LDLRAD4: variants seen among roughly 807,000 people sequenced by gnomAD.
LDLRAD4 encodes the protein low density lipoprotein receptor class A domain containing 4.
In LDLRAD4, 5 loss-of-function variants were observed where a neutral mutation model predicts 17.0. That is an observed-to-expected ratio of 0.29 (90% confidence interval 0.15 to 0.62). The LOEUF is 0.62. Ranked by LOEUF, LDLRAD4 falls within the 20% of genes least tolerant of loss-of-function variation. The pLI is 0.84. For missense variants in LDLRAD4, 340 were observed against 424.7 expected (o/e 0.80, Z 1.75); for synonymous variants, 168 against 171.8 (o/e 0.98, Z 0.17).
rs1355386324 is a variant in LDLRAD4 at position 13,621,847 on chromosome 18, TGGGTTGTGGAGGGTG to T, written c.336+599_336+613del. ...TTGTCGGCGGTAGGGTTGTCGGCGG[TGGGTTGTGGAGGGTG>T]GGGTTGTGGAGGGTGGGGTTGTCGG... On this transcript the variant is annotated intron_variant, in intron 4 of 5. Coordinates refer to ENST00000359446, the Ensembl canonical transcript of LDLRAD4. This position sits in a 1 kb window ranked among gnomAD's most constrained non-coding sequence, Gnocchi z 5.5. Among the ~76,000 whole-genome samples, 9 of 132,160 alleles carry T rather than the reference TGGGTTGTGGAGGGTG, an allele frequency of 6.8e-5. No homozygotes were observed. The highest frequency in any genetic ancestry group is 1.1e-4 in the Non-Finnish European group (7 of 62,004). The allele number at this position is 132,160 out of a possible 152,430, so 86.7% of individuals were successfully genotyped here.
intron 2 of LDLRAD4, among the ~76,000 whole-genome samples, chr18:13,433,753 TC>T (rs1306341450): frequency 6.6e-6 from 1 of 152,134 alleles, no homozygotes; most frequent in African/African-American, 2.4e-5. Context: ...ATATTCCATT[TC>T]CCCCCTAGTT....
Position 13,326,989 on chromosome 18 carries a change from A to G in LDLRAD4, c.-383+48801A>G, listed in dbSNP as rs1356321042. ...GAAAGGCAGACATCTTTTTCTTCTC[A>G]TTGTCACTGTTACCATCATCAATAC... On this transcript the variant is annotated intron_variant, in intron 1 of 5. Coordinates refer to ENST00000359446, the Ensembl canonical transcript of LDLRAD4. Among the ~76,000 whole-genome samples the G allele has an allele frequency of 3.9e-5, 6 of 152,030 alleles. No individual in the cohort carries two copies. In the East Asian group the frequency reaches 1.2e-3, roughly 29 times the overall value.
rs577630558 is a variant in LDLRAD4, at chr18:13,428,570, C to G, written c.41-9674C>G. Among the ~76,000 whole-genome samples the G allele has an allele frequency of 2.0e-5, 3 of 152,208 alleles. No homozygotes were observed. In the South Asian group the frequency reaches 6.2e-4, roughly 32 times the overall value. ...TCTCAGCAGGAACATCCTGACTGCTCTCTTATGAGTAAACCGTGGTGGAAG... is the reference window on the plus strand; with the variant it reads ...TCTCAGCAGGAACATCCTGACTGCTGTCTTATGAGTAAACCGTGGTGGAAG... On this transcript the variant is annotated intron_variant, in intron 2 of 5. Transcript: ENST00000359446.
chr18:13,474,312 A>T (rs1191113520), intron 3 of LDLRAD4, among the ~76,000 whole-genome samples: 1 of 152,168 alleles, frequency 6.6e-6, no homozygotes, highest in Non-Finnish European at 1.5e-5. Context: ...AGGAATCCTC[A>T]ACCAGCCCAG....
chr18:13,247,160 C>T (rs983672373), intron 1 of LDLRAD4, among the ~76,000 whole-genome samples: 5 of 152,144 alleles, frequency 3.3e-5, no homozygotes, highest in Non-Finnish European at 7.3e-5. Context: ...GTTTTTAGGG[C>T]AACGGCAGGA....
chr18:13,453,138 A>G (rs1184878085), intron 3 of LDLRAD4, among the ~76,000 whole-genome samples: 1 of 152,240 alleles, frequency 6.6e-6, no homozygotes, highest in Non-Finnish European at 1.5e-5. Flanking sequence ...TTTTAAAAGA[A>G]GCAGGACCCC....
At chr18:13,242,604 G>A (rs961256470) in intron 1 of LDLRAD4, among the ~76,000 whole-genome samples, 2 of 151,874 alleles carry the variant, frequency 1.3e-5, no homozygotes, top group Admixed American at 6.6e-5. Flanking sequence ...ATGCAAATGT[G>A]GTATTTTTTT....
intron 3 of LDLRAD4, among the ~76,000 whole-genome samples, chr18:13,550,149 A>G (rs2094416560): frequency 6.6e-6 from 1 of 152,320 alleles, no homozygotes; most frequent in Non-Finnish European, 1.5e-5. Flanking sequence ...TTGAAAACAG[A>G]TTACCACAAC....
At chr18:13,545,669 C>T (rs2094351736) in intron 3 of LDLRAD4, among the ~76,000 whole-genome samples, 1 of 152,156 alleles carries the variant, frequency 6.6e-6, no homozygotes, top group African/African-American at 2.4e-5. Context: ...GCTGCGGGAA[C>T]TGAGGAGGGT....
chr18:13,647,417 A>G lies in LDLRAD4; in HGVS notation c.*1760A>G, dbSNP rs892549953. 1.3e-5 allele frequency: 2 copies of G among 152,126 alleles called. 1 individual carries two copies. Among genetic ancestry groups the G allele is most frequent in the African/African-American group, 4.8e-5 (2 of 41,436 alleles). 9.4% of individuals were successfully genotyped at this position (152,126 alleles called of 1,614,324 possible). A position where few individuals can be genotyped will look rare whatever the true frequency, so the allele number is the denominator to read the frequency against. On this transcript the variant is annotated 3_prime_UTR_variant, in exon 6 of 6. Coordinates refer to ENST00000359446, the Ensembl canonical transcript of LDLRAD4. ...GTGGGCCTCTGTGGCCTCTTCACAT[A>G]ACAAGATGAGCTGGAATGATGATTC...
chr18:13,411,659 A>C (rs965365486), intron 2 of LDLRAD4, among the ~76,000 whole-genome samples: 2 of 152,026 alleles, frequency 1.3e-5, no homozygotes, highest in Non-Finnish European at 2.9e-5. Context: ...TTTGCTCCTC[A>C]TTTGCCTTCA....
intron 3 of LDLRAD4, among the ~76,000 whole-genome samples, chr18:13,458,291 C>T (rs8090201): frequency 0.083 from 12,617 of 152,212 alleles, 957 homozygotes; most frequent in African/African-American, 0.2. Flanking sequence ...AGTAGAGCGG[C>T]GCGCTGCTTT....
intron 1 of LDLRAD4, among the ~76,000 whole-genome samples, chr18:13,370,008 C>T (rs1276982251): frequency 6.6e-6 from 1 of 152,220 alleles, no homozygotes; most frequent in African/African-American, 2.4e-5. Flanking sequence ...AATGCGTCTC[C>T]ATTAGCATGG....
intron 1 of LDLRAD4, among the ~76,000 whole-genome samples, chr18:13,317,994 A>G (rs553904632): frequency 6.6e-6 from 1 of 152,194 alleles, no homozygotes; most frequent in East Asian, 1.9e-4. Context: ...TATGTTAAAT[A>G]TTTGTCTCTC....
intron 1 of LDLRAD4, among the ~76,000 whole-genome samples, chr18:13,270,770 G>A (rs1322298099): frequency 6.6e-6 from 1 of 152,196 alleles, no homozygotes; most frequent in Non-Finnish European, 1.5e-5. Flanking sequence ...ACCACAGCCA[G>A]CACTAAAGAA....
At chr18:13,608,745 A>G (rs1319762317) in intron 3 of LDLRAD4, among the ~76,000 whole-genome samples, 1 of 152,246 alleles carries the variant, frequency 6.6e-6, no homozygotes, top group Non-Finnish European at 1.5e-5. Context: ...GGAACCTGAG[A>G]CGAGCTCAGC....
intron 3 of LDLRAD4, among the ~76,000 whole-genome samples, chr18:13,480,362 T>C (rs1370723674): frequency 6.6e-6 from 1 of 152,160 alleles, no homozygotes; most frequent in East Asian, 1.9e-4. Context: ...CATTCTGGAA[T>C]AGGCAAAACT....
chr18:13,487,595 GT>G (rs1217445233), intron 3 of LDLRAD4: 1 of 152,274 alleles, frequency 6.6e-6, no homozygotes, highest in African/African-American at 2.4e-5. Flanking sequence ...TAGCTAACTT[GT>G]TTCTTCTTTC....
chr18:13,535,569 A>G (rs570295085), intron 3 of LDLRAD4, among the ~76,000 whole-genome samples: 1 of 152,048 alleles, frequency 6.6e-6, no homozygotes, highest in Non-Finnish European at 1.5e-5. Flanking sequence ...TTTTTGTTAG[A>G]TATATATTTT....
Sources: gnomAD v4.1 joint callset for allele counts (sites outside exome capture counted in the v4.1 genomes callset) on GRCh38, gnomAD v4.1.1 for gene constraint, Gnocchi (gnomAD v3.1) non-coding constraint, MANE v1.5 for transcripts, NCBI Gene and HGNC (gene_info 2026-07-23, HGNC 2026-07-21) for gene names.